The following NRG2 variants were observed in gnomAD, a reference collection of about 807,000 sequenced individuals.
NRG2 encodes the protein neuregulin 2, also known as pro-neuregulin-2, membrane-bound isoform.
NRG2 carries 27 observed loss-of-function variants against 73.9 expected under a neutral mutation model. The ratio of observed to expected loss-of-function variants is 0.37; its 90% CI spans 0.27 to 0.50. NRG2 has a LOEUF of 0.50. NRG2 is among the 20% of genes least tolerant of loss of function. NRG2 has a pLI of 0.96. For missense variants in NRG2, 1,126 were observed against 1,210.1 expected, an observed-to-expected ratio of 0.93 and a Z score of 1.03; for synonymous variants, 532 against 541.0, an observed-to-expected ratio of 0.98 and a Z score of 0.23.
At chr5:139,964,920 G>A (rs1755374601) in intron 1 of NRG2, among the ~76,000 whole-genome samples, 1 of 152,264 alleles carries the variant, frequency 6.6e-6, no homozygotes, top group African/African-American at 2.4e-5. Context: ...TCACCCTGGA[G>A]AGGAGAGTGG....
rs968865339 is a variant in NRG2, at chr5:139,924,229, C to T, written c.701-36718G>A. The stretch of plus-strand genomic sequence containing the variant: ...CTGGCTGTCTGGGCTCAAGAATCTC[C>T]GGGGGGATTGCCATCTCTTTTGGTC... On this transcript the variant is annotated intron_variant, in intron 1 of 9. Coordinates refer to ENST00000361474, the MANE Select transcript of NRG2 (RefSeq NM_004883.3). 2.6e-5 allele frequency among the ~76,000 whole-genome samples: 4 copies of T among 152,246 alleles called. No homozygotes were observed. In the East Asian group the frequency reaches 5.8e-4, roughly 22 times the overall value.
At chr5:139,850,070 C>G (rs1190592910) in intron 9 of NRG2, among the ~76,000 whole-genome samples, 1 of 152,244 alleles carries the variant, frequency 6.6e-6, no homozygotes, top group Non-Finnish European at 1.5e-5. Flanking sequence ...AGTTGTTCCC[C>G]GTGCCTAGAA....
intron 1 of NRG2, among the ~76,000 whole-genome samples, chr5:139,989,765 T>C (rs1242719521): frequency 6.7e-6 from 1 of 149,280 alleles, no homozygotes; most frequent in Non-Finnish European, 1.5e-5. Flanking sequence ...GTTTTTATTA[T>C]TATTATTATT....
At position 139,848,161 on chromosome 5, in the gene NRG2, C is replaced by T; in HGVS notation, c.2309G>A (p.Gly770Asp). Residue 770 changes from glycine (G) to aspartate (D), a missense_variant, in exon 10 of 10, where the codon GGC becomes GAC. Gly to Asp is a moderately conservative substitution (Grantham distance 94). Around this residue, in one of 3 missense-constraint regions of NRG2, gnomAD observed 402 missense variants for 357.8 expected, o/e 1.12. Coordinates refer to ENST00000361474, the MANE Select transcript of NRG2 (RefSeq NM_004883.3). ...RDSLSLSSGS[G>D]GGSASASDDD... The stretch of plus-strand genomic sequence containing the variant: ...GTCCGACGCCGAGGCTGAGCCGCCG[C>T]CCGAGCCGCTGCTCAGCGACAGCGA... 7.0e-7 allele frequency: 1 copy of T among 1,436,884 alleles called. No individual in the cohort carries two copies. The highest frequency in any genetic ancestry group is 3.1e-5 in the East Asian group (1 of 32,272). The allele number at this position is 1,436,884 out of a possible 1,614,324, so 89.0% of individuals were successfully genotyped here. A position where few individuals can be genotyped will look rare whatever the true frequency, so the allele number is the denominator to read the frequency against.
chr5:139,971,203 G>C (rs182613977), intron 1 of NRG2, among the ~76,000 whole-genome samples: 263 of 152,230 alleles, frequency 1.7e-3, no homozygotes, highest in African/African-American at 6.0e-3. Context: ...TTCCCTGAGA[G>C]CCCCCAGGGT....
At chr5:139,883,408 C>T (rs1207382369) in intron 2 of NRG2, among the ~76,000 whole-genome samples, 2 of 148,186 alleles carry the variant, frequency 1.3e-5, no homozygotes, top group South Asian at 2.2e-4. Flanking sequence ...CAGGGAAGGC[C>T]CCGTGCCCAG....
intron 1 of NRG2, among the ~76,000 whole-genome samples, chr5:139,925,252 T>C (rs1751965093): frequency 6.6e-6 from 1 of 152,232 alleles, no homozygotes; most frequent in Non-Finnish European, 1.5e-5. Context: ...GTGTTCTGAC[T>C]GAGGCTGCAC....
intron 1 of NRG2, among the ~76,000 whole-genome samples, chr5:139,997,725 T>C (rs905124658): frequency 6.6e-6 from 1 of 152,216 alleles, no homozygotes; most frequent in African/African-American, 2.4e-5. Flanking sequence ...CAATGGGCCC[T>C]AGAATGAAGC....
At chr5:139,949,904 G>A (rs1754067960) in intron 1 of NRG2, among the ~76,000 whole-genome samples, 1 of 152,190 alleles carries the variant, frequency 6.6e-6, no homozygotes, top group South Asian at 2.1e-4. Context: ...CTGGTCATGG[G>A]AAGAGGCCTC....
chr5:139,900,289 C>T (rs1384744877), intron 1 of NRG2, among the ~76,000 whole-genome samples: 1 of 152,196 alleles, frequency 6.6e-6, no homozygotes. Context: ...GAAGACAGGG[C>T]CTGTTGTTTA....
intron 1 of NRG2, among the ~76,000 whole-genome samples, chr5:139,985,169 G>A (rs1169329010): frequency 6.6e-6 from 1 of 151,718 alleles, no homozygotes; most frequent in South Asian, 2.1e-4. Flanking sequence ...GTGAAACCCC[G>A]TCTCTACTAT....
At chr5:139,858,870 A>C in intron 5 of NRG2, among the ~76,000 whole-genome samples, 1 of 152,170 alleles carries the variant, frequency 6.6e-6, no homozygotes, top group East Asian at 1.9e-4. Flanking sequence ...AGCTATAGAC[A>C]GATGCACTCT....
intron 1 of NRG2, among the ~76,000 whole-genome samples, chr5:140,024,329 A>C (rs1425335915): frequency 6.7e-6 from 1 of 149,682 alleles, no homozygotes; most frequent in Non-Finnish European, 1.5e-5. Context: ...ATCTCAGCTC[A>C]CTACAAGCTC....
intron 1 of NRG2, among the ~76,000 whole-genome samples, chr5:139,923,015 C>T (rs1218507196): frequency 6.6e-6 from 1 of 152,170 alleles, no homozygotes; most frequent in Non-Finnish European, 1.5e-5. Context: ...CTGTTTGATA[C>T]TATAATGAAT....
chr5:140,012,551 G>A (rs1277363657), intron 1 of NRG2, among the ~76,000 whole-genome samples: 1 of 152,084 alleles, frequency 6.6e-6, no homozygotes, highest in Non-Finnish European at 1.5e-5. Flanking sequence ...ATTCATACTT[G>A]AGAGTCATCT....
chr5:139,865,286 C>CATT lies in NRG2; in HGVS notation c.1189+260_1189+262dup. On this transcript the variant is annotated intron_variant, in intron 5 of 9. Coordinates refer to ENST00000361474, the MANE Select transcript of NRG2 (RefSeq NM_004883.3). The surrounding 1 kb of genome is among the most constrained non-coding windows in gnomAD (Gnocchi z 5.2). Reference sequence around the variant, plus strand: ...CAGCTGGGTTCCTTGCCACCGTTACCATTTGTATTGGCCTTGCCACTCTGC... The same window carrying CATT: ...CAGCTGGGTTCCTTGCCACCGTTACCATTATTTGTATTGGCCTTGCCACTCTGC... 1.1e-6 allele frequency: 1 copy of CATT among 902,390 alleles called. No individual in the cohort carries two copies. The highest frequency in any genetic ancestry group is 1.4e-5 in the South Asian group (1 of 72,890). The allele number at this position is 902,390 out of a possible 1,614,324, so 55.9% of individuals were successfully genotyped here.
At chr5:139,991,045 G>A (rs948513347) in intron 1 of NRG2, among the ~76,000 whole-genome samples, 3 of 152,088 alleles carry the variant, frequency 2.0e-5, no homozygotes, top group Non-Finnish European at 4.4e-5. Flanking sequence ...AGAGGCCAAG[G>A]CAGGTGGATC....
At chr5:139,997,757 A>G (rs1239334619) in intron 1 of NRG2, among the ~76,000 whole-genome samples, 1 of 152,238 alleles carries the variant, frequency 6.6e-6, no homozygotes, top group East Asian at 1.9e-4. Context: ...AACAGCCAGC[A>G]TGTGAATCCT....
chr5:139,895,740 T>C (rs531946020), intron 1 of NRG2, among the ~76,000 whole-genome samples: 15 of 152,378 alleles, frequency 9.8e-5, no homozygotes, highest in African/African-American at 3.4e-4. Flanking sequence ...GGAAGGCCTC[T>C]GACCACTATC....
Sources: gnomAD v4.1 joint callset for allele counts (sites outside exome capture counted in the v4.1 genomes callset) on GRCh38, gnomAD v4.1.1 for gene constraint, gnomAD v4.1.1 regional missense constraint, Gnocchi (gnomAD v3.1) non-coding constraint, MANE v1.5 for transcripts, NCBI Gene and HGNC (gene_info 2026-07-23, HGNC 2026-07-21) for gene names.